The following LRRC4C variants were observed in gnomAD, a reference collection of about 807,000 sequenced individuals.
The protein encoded by LRRC4C is leucine rich repeat containing 4C, also known as leucine-rich repeat-containing protein 4C.
A neutral mutation model predicts 33.6 loss-of-function variants in LRRC4C; 5 were observed. The observed-to-expected ratio is 0.15, with a 90% CI of 0.08 to 0.31. The LOEUF (loss-of-function observed/expected upper bound fraction) is 0.31. Ranked by LOEUF, LRRC4C falls within the 10% of genes least tolerant of loss-of-function variation. The probability of loss-of-function intolerance (pLI) is 1.00; values close to 1 mark genes in which losing one functional copy is unlikely to be tolerated. For missense variants in LRRC4C, 560 were observed against 796.7 expected, an observed-to-expected ratio of 0.70 and a Z score of 3.58; for synonymous variants, 329 against 302.0, an observed-to-expected ratio of 1.09 and a Z score of -0.93.
At chr11:41,338,731 A>C (rs1951535985) in intron 1 of LRRC4C, among the ~76,000 whole-genome samples, 1 of 152,178 alleles carries the variant, frequency 6.6e-6, no homozygotes, top group Non-Finnish European at 1.5e-5. Flanking sequence ...ATTAAAAAAT[A>C]AATGCTTGGC....
At chr11:41,135,841 C>T (rs1001193550) in intron 1 of LRRC4C, among the ~76,000 whole-genome samples, 16 of 152,126 alleles carry the variant, frequency 1.1e-4, no homozygotes, top group Admixed American at 8.5e-4. Context: ...AGAGATAGGA[C>T]CATTTTTATA....
At chr11:40,521,698 G>A (rs570132090) in intron 3 of LRRC4C, among the ~76,000 whole-genome samples, 62 of 151,934 alleles carry the variant, frequency 4.1e-4, no homozygotes, top group African/African-American at 1.4e-3. Context: ...GTAAAACTCC[G>A]TCTCTACTAA....
At chr11:40,824,249 A>T (rs1244770050) in intron 2 of LRRC4C, among the ~76,000 whole-genome samples, 1 of 151,968 alleles carries the variant, frequency 6.6e-6, no homozygotes, top group Non-Finnish European at 1.5e-5. Context: ...TTTAGAAAAC[A>T]TTATAGAATT....
rs368250603 is a variant in LRRC4C, at chr11:40,856,324, T to C, written c.-407+77311A>G. ...ATTGTTCTGTTAACTAGATACAGAT[T>C]TGTGGTCCATTTCAGAGCCTTACCT... is the stretch of plus-strand genomic sequence containing the variant. On this transcript the variant is annotated intron_variant, in intron 2 of 6. Transcript: ENST00000528697. Among the ~76,000 whole-genome samples, 33 of 152,260 alleles carry C rather than the reference T, an allele frequency of 2.2e-4. 2 individuals carry two copies. The highest frequency in any genetic ancestry group is 7.9e-4 in the African/African-American group (33 of 41,540).
intron 3 of LRRC4C, among the ~76,000 whole-genome samples, chr11:40,335,822 G>A (rs937655859): frequency 2.0e-5 from 3 of 152,144 alleles, no homozygotes; most frequent in Non-Finnish European, 2.9e-5. Flanking sequence ...AGTAAGTAAC[G>A]CAGCCAAGTG....
At chr11:40,730,872 T>G (rs1308499905) in intron 2 of LRRC4C, among the ~76,000 whole-genome samples, 2 of 152,204 alleles carry the variant, frequency 1.3e-5, no homozygotes, top group Non-Finnish European at 2.9e-5. Flanking sequence ...TCTGATAGTT[T>G]GGATCTGCGT....
chr11:41,259,974 G>A (rs1375034209), intron 1 of LRRC4C, among the ~76,000 whole-genome samples: 3 of 151,902 alleles, frequency 2.0e-5, no homozygotes, highest in Non-Finnish European at 2.9e-5. Context: ...AGTGAAGATT[G>A]GACTTTGGCA....
intron 2 of LRRC4C, among the ~76,000 whole-genome samples, chr11:40,757,317 G>A (rs919989761): frequency 7.2e-5 from 11 of 151,950 alleles, no homozygotes; most frequent in Non-Finnish European, 1.5e-4. Context: ...TCTTGTAGAT[G>A]GCCTATGTTA....
intron 1 of LRRC4C, among the ~76,000 whole-genome samples, chr11:41,281,557 A>C (rs1256631258): frequency 6.6e-6 from 1 of 152,222 alleles, no homozygotes; most frequent in African/African-American, 2.4e-5. Context: ...TGAATCTGTG[A>C]GGCTTCCTGA....
intron 1 of LRRC4C, among the ~76,000 whole-genome samples, chr11:41,445,377 C>T (rs1955788544): frequency 6.6e-6 from 1 of 152,138 alleles, no homozygotes; most frequent in South Asian, 2.1e-4. Context: ...TGTTGCCCCA[C>T]AAAGGACATT....
intron 1 of LRRC4C, among the ~76,000 whole-genome samples, chr11:40,943,701 C>T (rs530355123): frequency 1.3e-5 from 2 of 152,278 alleles, no homozygotes; most frequent in South Asian, 4.1e-4. Context: ...GTCTCCAAGG[C>T]TATCTCTCCT....
At chr11:40,187,327 CTTT>C (rs984027757) in intron 5 of LRRC4C, among the ~76,000 whole-genome samples, 6 of 140,080 alleles carry the variant, frequency 4.3e-5, no homozygotes, top group Admixed American at 7.1e-5. Flanking sequence ...AATTTTCTTT[CTTT>C]TTTTTTTTTT....
chr11:40,790,896 G>T (rs1255685632), intron 2 of LRRC4C, among the ~76,000 whole-genome samples: 10 of 152,154 alleles, frequency 6.6e-5, no homozygotes, highest in Non-Finnish European at 1.5e-4. Context: ...GTTAATTATA[G>T]CTCCAAGGAG....
At chr11:41,039,103 G>T (rs1236390160) in intron 1 of LRRC4C, among the ~76,000 whole-genome samples, 1 of 151,826 alleles carries the variant, frequency 6.6e-6, no homozygotes, top group Non-Finnish European at 1.5e-5. Context: ...TTATTTTTTT[G>T]TATATGGTGA....
At chr11:40,569,292 T>A (rs1328141137) in intron 3 of LRRC4C, among the ~76,000 whole-genome samples, 1 of 152,116 alleles carries the variant, frequency 6.6e-6, no homozygotes, top group Non-Finnish European at 1.5e-5. Context: ...CTGATATAAA[T>A]GTGATTATTT....
chr11:41,223,680 G>A (rs1000047965), intron 1 of LRRC4C, among the ~76,000 whole-genome samples: 1 of 152,138 alleles, frequency 6.6e-6, no homozygotes, highest in East Asian at 1.9e-4. Context: ...ATGTCTTAAG[G>A]CAACCAATTC....
chr11:41,221,726 G>A (rs568691616), intron 1 of LRRC4C, among the ~76,000 whole-genome samples: 18 of 152,206 alleles, frequency 1.2e-4, no homozygotes, highest in African/African-American at 4.3e-4. Flanking sequence ...TTTCAAATGG[G>A]AAATATTGGA....
rs529766158 is a variant in LRRC4C at position 40,611,637 on chromosome 11, G to A, written c.-270+36505C>T. The stretch of plus-strand genomic sequence containing the variant: ...TATCTGAAAAGGGGTTAATATTAAA[G>A]ATACGTAAGAAACTCTTACAATTCA... On this transcript the variant is annotated intron_variant, in intron 3 of 6. Coordinates refer to ENST00000528697, the MANE Select transcript of LRRC4C (RefSeq NM_001258419.2). Among the ~76,000 whole-genome samples, 7 of 151,750 alleles carry A rather than the reference G, an allele frequency of 4.6e-5. No homozygotes were observed. The South Asian group carries it at 1.5e-3, about 31-fold the overall frequency.
At chr11:41,029,071 A>T (rs1856560413) in intron 1 of LRRC4C, among the ~76,000 whole-genome samples, 1 of 151,804 alleles carries the variant, frequency 6.6e-6, no homozygotes, top group African/African-American at 2.4e-5. Context: ...TTTATCCAAA[A>T]GAGATTTTAA....
Sources: allele counts gnomAD v4.1 joint callset (sites outside exome capture counted in the v4.1 genomes callset), GRCh38; gene constraint gnomAD v4.1.1; transcripts MANE v1.5; gene names NCBI Gene and HGNC (gene_info 2026-07-23, HGNC 2026-07-21).